APBB2: variants seen among roughly 807,000 people sequenced by gnomAD.
APBB2 encodes amyloid beta precursor protein binding family B member 2.
A neutral mutation model predicts 82.5 loss-of-function variants in APBB2; 38 were observed. The ratio of observed to expected loss-of-function variants is 0.46; its 90% CI spans 0.36 to 0.60. APBB2 has a LOEUF of 0.60. Among genes scored for constraint, APBB2 ranks in the 20% least tolerant of loss-of-function variants. The pLI is 0.00. For synonymous variants in APBB2, 341 were observed against 368.2 expected, an observed-to-expected ratio of 0.93 and a Z score of 0.85; for missense variants, 772 against 972.3, an observed-to-expected ratio of 0.79 and a Z score of 2.74.
chr4:40,896,495 G>A (rs1004181365), intron 10 of APBB2, among the ~76,000 whole-genome samples: 1 of 152,202 alleles, frequency 6.6e-6, no homozygotes, highest in Non-Finnish European at 1.5e-5. Context: ...GTAAAAATGG[G>A]AGCAATAATA....
chr4:41,065,718 C>CT (rs1232419678), intron 3 of APBB2, 45 bp from the exon 4 acceptor site: 1 of 140,524 alleles, frequency 7.1e-6, no homozygotes, highest in Non-Finnish European at 1.5e-5. Context: ...AAAACAGAGA[C>CT]TTAGGATAAT....
At chr4:41,151,592 A>C (rs926972999) in intron 1 of APBB2, among the ~76,000 whole-genome samples, 2 of 151,398 alleles carry the variant, frequency 1.3e-5, no homozygotes, top group African/African-American at 4.9e-5. Context: ...GGTTTTTCTG[A>C]AAGCGTATTT....
At chr4:41,186,668 C>A (rs1440641545) in intron 1 of APBB2, among the ~76,000 whole-genome samples, 1 of 152,196 alleles carries the variant, frequency 6.6e-6, no homozygotes, top group East Asian at 1.9e-4. Flanking sequence ...ACCATCATTA[C>A]CCATACCCTT....
intron 6 of APBB2, among the ~76,000 whole-genome samples, chr4:40,978,083 T>C (rs567917983): frequency 6.6e-6 from 1 of 152,312 alleles, no homozygotes; most frequent in African/African-American, 2.4e-5. Flanking sequence ...TGGCCAGAAA[T>C]AGCCTATGCC....
chr4:40,823,047 C>T (rs534639551), intron 16 of APBB2, among the ~76,000 whole-genome samples: 1 of 152,292 alleles, frequency 6.6e-6, no homozygotes, highest in African/African-American at 2.4e-5. Context: ...GGTGGTCTTT[C>T]CCTGGCAGGT....
intron 1 of APBB2, among the ~76,000 whole-genome samples, chr4:41,205,434 T>C (rs1200677968): frequency 6.6e-6 from 1 of 152,176 alleles, no homozygotes; most frequent in Non-Finnish European, 1.5e-5. Context: ...AGGAAAATCA[T>C]AAATATAATT....
chr4:41,134,483 C>G (rs974581825), intron 2 of APBB2, among the ~76,000 whole-genome samples: 1 of 152,078 alleles, frequency 6.6e-6, no homozygotes, highest in Non-Finnish European at 1.5e-5. Flanking sequence ...CCCAGCCCCC[C>G]ACAAATAAAG....
At chr4:41,123,913 T>C (rs1357141692) in intron 2 of APBB2, among the ~76,000 whole-genome samples, 3 of 152,246 alleles carry the variant, frequency 2.0e-5, no homozygotes, top group East Asian at 1.9e-4. Flanking sequence ...CAGAGATATC[T>C]GTAAAGGACC....
At chr4:40,854,442 C>T (rs1210089646) in intron 12 of APBB2, among the ~76,000 whole-genome samples, 1 of 152,148 alleles carries the variant, frequency 6.6e-6, no homozygotes, top group African/African-American at 2.4e-5. Flanking sequence ...TCTTAACACT[C>T]GGGAGCCTGG....
chr4:40,848,390 CA>C lies in APBB2; in HGVS notation c.1530-17814del, dbSNP rs201693041. 1.0e-3 allele frequency among the ~76,000 whole-genome samples: 157 copies of C among 152,286 alleles called. 4 individuals are homozygous for C. The East Asian group carries it at 0.025, about 25-fold the overall frequency. ...GTTTAAGTTGACTTGCTCCAAAGCC[CA>C]CAGCTAGCAGGTGGTAGATCTGCAA... On this transcript the variant is annotated intron_variant, in intron 12 of 17. Coordinates refer to ENST00000508593, the MANE Select transcript of APBB2 (RefSeq NM_004307.2).
Position 41,145,984 on chromosome 4 carries a change from GT to G in APBB2, c.-416-2843del, listed in dbSNP as rs1760597876. 5.3e-5 allele frequency among the ~76,000 whole-genome samples: 8 copies of G among 152,222 alleles called. No individual in the cohort carries two copies. The South Asian group carries it at 1.7e-3, about 32-fold the overall frequency. On this transcript the variant is annotated intron_variant, in intron 1 of 17. Coordinates refer to ENST00000508593, the MANE Select transcript of APBB2 (RefSeq NM_004307.2). ...ACAAGTGGATTGCTTGAGCCCAGGA[GT>G]TCGAGACCAGCCTGGGCAACATAGT...
chr4:41,020,003 CAG>C lies in APBB2; in HGVS notation c.20-5607_20-5606del, dbSNP rs759689394. Among the ~76,000 whole-genome samples the C allele has an allele frequency of 1.5e-4, 22 of 151,564 alleles. 1 individual carries two copies. Among genetic ancestry groups the C allele is most frequent in the African/African-American group, 2.4e-4 (10 of 41,332 alleles). ...ACAGAGAGAGGAAGAGACAGAGAGA[CAG>C]AAAGTCAAAGAGAGAAGGAAAGAGA... is the stretch of plus-strand genomic sequence containing the variant. On this transcript the variant is annotated intron_variant, in intron 5 of 17. Transcript: ENST00000508593.
chr4:41,007,777 T>C (rs947678951), intron 6 of APBB2, among the ~76,000 whole-genome samples: 1 of 152,254 alleles, frequency 6.6e-6, no homozygotes, highest in Admixed American at 6.5e-5. Context: ...AGTAACTTTA[T>C]GGAGCCTTTT....
At chr4:40,983,781 C>T (rs569270763) in intron 6 of APBB2, among the ~76,000 whole-genome samples, 2 of 152,214 alleles carry the variant, frequency 1.3e-5, no homozygotes, top group South Asian at 2.1e-4. Context: ...TTCCACACGT[C>T]GGCCAAGCTG....
chr4:41,035,495 A>G (rs1320333114), intron 4 of APBB2, among the ~76,000 whole-genome samples: 1 of 152,040 alleles, frequency 6.6e-6, no homozygotes, highest in Non-Finnish European at 1.5e-5. Context: ...TCACAATTCC[A>G]TTTTCCTTTT....
chr4:41,174,103 C>T (rs1053187996), intron 1 of APBB2, among the ~76,000 whole-genome samples: 1 of 152,096 alleles, frequency 6.6e-6, no homozygotes, highest in Admixed American at 6.5e-5. Context: ...AACACCGAAG[C>T]TGATCACTTT....
intron 6 of APBB2, among the ~76,000 whole-genome samples, chr4:40,947,273 G>A (rs1051033663): frequency 5.3e-5 from 8 of 152,174 alleles, no homozygotes; most frequent in Admixed American, 5.2e-4. Context: ...CACAGACAGC[G>A]AGCTCTGGAA....
intron 6 of APBB2, among the ~76,000 whole-genome samples, chr4:40,973,215 A>T (rs1796374090): frequency 6.6e-6 from 1 of 152,166 alleles, no homozygotes; most frequent in African/African-American, 2.4e-5. Context: ...GACCAATAAG[A>T]GGCTCAGCAA....
intron 12 of APBB2, chr4:40,881,538 T>TTC (rs1553953006): frequency 3.7e-5 from 9 of 243,208 alleles, no homozygotes; most frequent in Non-Finnish European, 5.0e-5. Context: ...CTTTTTCTTT[T>TTC]TTTTTTTTTT....
Sources: allele counts gnomAD v4.1 joint callset (sites outside exome capture counted in the v4.1 genomes callset), GRCh38; gene constraint gnomAD v4.1.1; transcripts MANE v1.5; gene names NCBI Gene and HGNC (gene_info 2026-07-23, HGNC 2026-07-21).